Variants in TPX2 observed in about 807,000 individuals in gnomAD.
TPX2 encodes TPX2 microtubule nucleation factor.
A neutral mutation model predicts 93.6 loss-of-function variants in TPX2; 21 were observed. The observed-to-expected ratio is 0.22, with a 90% confidence interval of 0.16 to 0.32. The LOEUF is 0.32. Among genes scored for constraint, TPX2 ranks in the 10% least tolerant of loss-of-function variants. The probability of loss-of-function intolerance (pLI) is 1.00; values close to 1 mark genes in which losing one functional copy is unlikely to be tolerated. For synonymous variants in TPX2, 281 were observed against 298.3 expected (o/e 0.94, Z 0.60); for missense variants, 776 against 871.1 (o/e 0.89, Z 1.37).
At chr20:31,789,581 T>G (rs2062087633) in intron 12 of TPX2, among the ~76,000 whole-genome samples, 1 of 152,098 alleles carries the variant, frequency 6.6e-6, no homozygotes. Context: ...CTCAAGGAGC[T>G]TATAATTTAA....
intron 12 of TPX2, among the ~76,000 whole-genome samples, chr20:31,788,026 T>C (rs2062077624): frequency 6.6e-6 from 1 of 152,202 alleles, no homozygotes; most frequent in Non-Finnish European, 1.5e-5. Context: ...GCTTGACTTT[T>C]CTCCTTGGCT....
chr20:31,787,922 G>T (rs1022769678), intron 12 of TPX2, among the ~76,000 whole-genome samples: 7 of 152,122 alleles, frequency 4.6e-5, no homozygotes, highest in African/African-American at 1.7e-4. Context: ...AGAACTTGGG[G>T]CCCCCAAGGA....
chr20:31,778,741 G>T, intron 9 of TPX2, 72 bp from the exon 10 acceptor site: 1 of 1,393,400 alleles, frequency 7.2e-7, no homozygotes, highest in South Asian at 1.6e-5. Flanking sequence ...CCTCTGTGCC[G>T]AATATGTGGC....
intron 10 of TPX2, among the ~76,000 whole-genome samples, chr20:31,781,427 G>A (rs987597411): frequency 1.3e-5 from 2 of 151,174 alleles, no homozygotes; most frequent in East Asian, 2.0e-4. Flanking sequence ...CACCACGCCC[G>A]GTTAATTTTT....
chr20:31,779,460 G>GT (rs1169912051), intron 10 of TPX2, among the ~76,000 whole-genome samples: 1 of 152,284 alleles, frequency 6.6e-6, no homozygotes, highest in Middle Eastern at 3.4e-3. Flanking sequence ...TCTAATTCAA[G>GT]TTTCAAAACT....
chr20:31,799,241 TAATG>T (rs1204330321), intron 17 of TPX2, among the ~76,000 whole-genome samples: 3 of 152,174 alleles, frequency 2.0e-5, no homozygotes, highest in Non-Finnish European at 4.4e-5. Context: ...TTAACTGTGT[TAATG>T]AAGAAGCAGA....
intron 12 of TPX2, among the ~76,000 whole-genome samples, chr20:31,789,127 C>T (rs1024864048): frequency 2.6e-5 from 4 of 152,334 alleles, no homozygotes; most frequent in African/African-American, 7.2e-5. Context: ...GGGAGCATCC[C>T]TCTAATAACC....
chr20:31,791,599 C>T (rs1421287358), intron 12 of TPX2, among the ~76,000 whole-genome samples: 1 of 152,120 alleles, frequency 6.6e-6, no homozygotes, highest in Non-Finnish European at 1.5e-5. Flanking sequence ...AATTTTAAGT[C>T]AGGAAGTAAT....
At chr20:31,797,365 G>C in intron 15 of TPX2, 39 bp from the exon 16 acceptor site, 4 of 1,583,574 alleles carry the variant, frequency 2.5e-6, no homozygotes, top group Non-Finnish European at 3.5e-6. Flanking sequence ...TCATAGAAAG[G>C]TGAGACATTG....
chr20:31,745,408 C>A (rs1311739595), intron 2 of TPX2, among the ~76,000 whole-genome samples: 1 of 150,358 alleles, frequency 6.7e-6, no homozygotes, highest in Non-Finnish European at 1.5e-5. Flanking sequence ...CAGCTTACTG[C>A]AACCTCTGCC....
chr20:31,761,716 G>T (rs1386522860), intron 4 of TPX2, among the ~76,000 whole-genome samples: 1 of 152,172 alleles, frequency 6.6e-6, no homozygotes, highest in African/African-American at 2.4e-5. Context: ...AAACATAGGA[G>T]TGCACATAGA....
intron 2 of TPX2, among the ~76,000 whole-genome samples, chr20:31,748,810 G>T (rs2061800197): frequency 1.3e-5 from 2 of 152,110 alleles, no homozygotes; most frequent in South Asian, 2.1e-4. Context: ...TCTATCTATT[G>T]TCTATATTGT....
chr20:31,794,079 A>T (rs1182846799), intron 14 of TPX2, 55 bp downstream of exon 14: 1 of 1,518,576 alleles, frequency 6.6e-7, no homozygotes, highest in Non-Finnish European at 8.8e-7. Flanking sequence ...TCCCTCAAAG[A>T]CAGTTTTTTC....
At chr20:31,776,248 T>G (rs1369209273) in intron 8 of TPX2, among the ~76,000 whole-genome samples, 4 of 150,838 alleles carry the variant, frequency 2.7e-5, no homozygotes, top group Non-Finnish European at 5.9e-5. Flanking sequence ...GCCCGGCTAA[T>G]TTTTTGTATT....
intron 2 of TPX2, among the ~76,000 whole-genome samples, chr20:31,756,121 A>G (rs577711498): frequency 3.9e-5 from 6 of 152,218 alleles, no homozygotes; most frequent in Non-Finnish European, 8.8e-5. Context: ...TTGAACTCTT[A>G]CTATGTATAA....
At position 31,778,825 on chromosome 20, in the gene TPX2, A is replaced by G. The variant is rs762573458; in HGVS notation, c.895A>G (p.Lys299Glu). The change falls in exon 10 of 18, where the codon AAG becomes GAG. Residue 299 changes from lysine to glutamate, a missense_variant. Coordinates refer to ENST00000300403, the MANE Select transcript of TPX2 (RefSeq NM_012112.5). ...TTTCTCTTTACAGGCCCGAGTGACT[A>G]AGGGATGTACCATTGTTAAGCCTTT... is the stretch of plus-strand genomic sequence containing the variant. ...KHPSSPARVT[K>E]GCTIVKPFNL... is the part of the protein sequence containing the mutation. 2 of 1,582,418 alleles carry G rather than the reference A, an allele frequency of 1.3e-6. No individual in the cohort carries two copies. Among genetic ancestry groups the G allele is most frequent in the African/African-American group, 2.7e-5 (2 of 73,566 alleles).
chr20:31,752,473 C>T (rs1386577225), intron 2 of TPX2, among the ~76,000 whole-genome samples: 2 of 152,188 alleles, frequency 1.3e-5, no homozygotes, highest in African/African-American at 4.8e-5. Flanking sequence ...CGTACCTTGA[C>T]TTCAGCCATG....
rs758515254 is a variant in TPX2 at position 31,783,787 on chromosome 20, C to G, written c.1279C>G (p.Pro427Ala). 6.2e-7 allele frequency: 1 copy of G among 1,613,314 alleles called. No individual in the cohort carries two copies. The highest frequency in any genetic ancestry group is 1.7e-5 in the Admixed American group (1 of 59,808). ...ILPKKPPVKP[P>A]TEPIGFDLEI... ...GCCCAAGAAACCACCTGTGAAACCA[C>G]CCACCGAGCCTATTGGCTTTGATTT... The change falls in exon 12 of 18, where the codon CCC (proline) becomes GCC (alanine). Residue 427 changes from proline (P) to alanine (A), a missense_variant. Pro to Ala is a conservative substitution (Grantham distance 27). This residue lies in a region of TPX2 where 461 missense variants were observed against 551.2 expected (regional missense o/e 0.84). Coordinates refer to ENST00000300403, the MANE Select transcript of TPX2 (RefSeq NM_012112.5).
In TPX2 at chr20:31,757,491, A is replaced by C; in HGVS notation, c.15A>C (p.Lys5Asn). 6.2e-7 allele frequency: 1 copy of C among 1,613,902 alleles called. No homozygotes were observed. Among genetic ancestry groups the C allele is most frequent in the Non-Finnish European group, 8.5e-7 (1 of 1,179,942 alleles). The change falls in exon 3 of 18, where the codon AAA becomes AAC. Residue 5 changes from lysine to asparagine, a missense_variant. Physicochemically the swap from Lys to Asn is moderately conservative, Grantham distance 94. Transcript: ENST00000300403. ...AGTGGGAGACAATGTCACAAGTTAA[A>C]AGCTCTTATTCCTATGATGCCCCCT... MSQV[K>N]SSYSYDAPSD...
Sources: gnomAD v4.1 joint callset for allele counts (sites outside exome capture counted in the v4.1 genomes callset) on GRCh38, gnomAD v4.1.1 for gene constraint, gnomAD v4.1.1 regional missense constraint, MANE v1.5 for transcripts, NCBI Gene and HGNC (gene_info 2026-07-23, HGNC 2026-07-21) for gene names.